The following ZC3H12B variants were observed in gnomAD, a reference collection of about 807,000 sequenced individuals.
The protein encoded by ZC3H12B is zinc finger CCCH-type containing 12B.
ZC3H12B carries 7 observed loss-of-function variants against 43.9 expected under a neutral mutation model. The observed-to-expected ratio is 0.16, with a 90% CI of 0.09 to 0.30. The LOEUF is 0.30. Among genes scored for constraint, ZC3H12B ranks in the 10% least tolerant of loss-of-function variants. The pLI, the probability that ZC3H12B is intolerant of heterozygous loss-of-function variation, is 1.00. For synonymous variants in ZC3H12B, 222 were observed against 241.7 expected, an observed-to-expected ratio of 0.92 and a Z score of 0.76; for missense variants, 475 against 670.2, an observed-to-expected ratio of 0.71 and a Z score of 3.22.
chrX:65,290,836 T>A, the ZC3H12B span, among the ~76,000 whole-genome samples: 6 of 110,397 alleles, frequency 5.4e-5, no homozygotes, highest in Non-Finnish European at 1.1e-4. Flanking sequence ...GAAAAATATA[T>A]AATACAGACT....
the ZC3H12B span, among the ~76,000 whole-genome samples, chrX:65,260,175 CTTA>C: frequency 9.1e-6 from 1 of 110,308 alleles, no homozygotes; most frequent in Non-Finnish European, 1.9e-5. Context: ...TACTAGAGAA[CTTA>C]TTAATATAAT....
intron 3 of ZC3H12B, among the ~76,000 whole-genome samples, chrX:65,448,608 G>C (rs1264900729): frequency 9.0e-6 from 1 of 111,059 alleles, no homozygotes; most frequent in African/African-American, 3.3e-5. Context: ...CCTGAGGTCA[G>C]GATTTTAAGC....
At chrX:65,484,980 T>A (rs941278626), upstream of ZC3H12B, among the ~76,000 whole-genome samples, 9 of 111,846 alleles carry the variant, frequency 8.0e-5, no homozygotes, top group African/African-American at 2.9e-4. Flanking sequence ...CTCTTCGAGG[T>A]CACTTTTAGC....
At chrX:65,084,206 T>A in the ZC3H12B span, among the ~76,000 whole-genome samples, 1 of 111,840 alleles carries the variant, frequency 8.9e-6, no homozygotes, top group African/African-American at 3.3e-5. Flanking sequence ...GGGCAAAGAT[T>A]TTTTGAGCAG....
intron 3 of ZC3H12B, among the ~76,000 whole-genome samples, chrX:65,461,522 A>G (rs2067746779): frequency 8.9e-6 from 1 of 112,314 alleles, no homozygotes; most frequent in South Asian, 3.7e-4. Flanking sequence ...CTATGCACCC[A>G]TAAAAAAGGA....
chrX:65,185,030 A>C, the ZC3H12B span: 1 of 111,459 alleles, frequency 9.0e-6, no homozygotes, highest in African/African-American at 3.3e-5. Context: ...GAAGACCTTC[A>C]ATTTTGTCCA....
At chrX:65,291,506 A>G in the ZC3H12B span, among the ~76,000 whole-genome samples, 1 of 112,050 alleles carries the variant, frequency 8.9e-6, no homozygotes, top group Non-Finnish European at 1.9e-5. Flanking sequence ...ACATAAATGA[A>G]CCTTGAGGAA....
At chrX:65,190,932 G>C in the ZC3H12B span, among the ~76,000 whole-genome samples, 11 of 101,107 alleles carry the variant, frequency 1.1e-4, no homozygotes, top group East Asian at 3.1e-3. Context: ...ATTGGCTGTG[G>C]GTTTGTCATA....
the ZC3H12B span, among the ~76,000 whole-genome samples, chrX:65,095,610 T>G: frequency 8.9e-6 from 1 of 111,871 alleles, no homozygotes; most frequent in Non-Finnish European, 1.9e-5. Context: ...ACCTGTGTGC[T>G]TCTAGCAGTG....
chrX:65,379,570 G>A (rs952785814), intron 2 of ZC3H12B, among the ~76,000 whole-genome samples: 10 of 112,451 alleles, frequency 8.9e-5, no homozygotes, highest in African/African-American at 1.6e-4. Context: ...CCAAAGGAAC[G>A]CAGTTCCTCA....
the ZC3H12B span, among the ~76,000 whole-genome samples, chrX:65,265,938 T>A: frequency 9.0e-6 from 1 of 111,724 alleles, no homozygotes; most frequent in African/African-American, 3.2e-5. Context: ...ACTTTCTACA[T>A]GAAGGCAGTT....
exon 5 of ZC3H12B, chrX:65,503,201 G>A: frequency 7.6e-6 from 9 of 1,191,570 alleles, no homozygotes; most frequent in Non-Finnish European, 1.0e-5. Context: ...GCTTAGGGCT[G>A]CACGTTGATA....
At chrX:65,135,692 G>T in the ZC3H12B span, among the ~76,000 whole-genome samples, 1 of 99,503 alleles carries the variant, frequency 1.0e-5, no homozygotes, top group African/African-American at 4.1e-5. Context: ...TACAAGTGTT[G>T]GTTAGATATT....
At chrX:65,212,650 C>A in the ZC3H12B span, among the ~76,000 whole-genome samples, 2 of 77,503 alleles carry the variant, frequency 2.6e-5, no homozygotes, top group African/African-American at 5.0e-5. Context: ...GATTATATAT[C>A]ATATATTATA....
chrX:65,377,217 AG>A (rs1337529464), intron 2 of ZC3H12B, among the ~76,000 whole-genome samples: 7 of 107,918 alleles, frequency 6.5e-5, no homozygotes, highest in African/African-American at 2.4e-4. Context: ...ATACAGTCCG[AG>A]GAGACAAAAA....
chrX:65,171,999 C>T, the ZC3H12B span, among the ~76,000 whole-genome samples: 218 of 112,436 alleles, frequency 1.9e-3, 1 homozygote, highest in African/African-American at 6.9e-3. Context: ...CTGGGTGAGG[C>T]GATATCCCGC....
the ZC3H12B span, among the ~76,000 whole-genome samples, chrX:65,311,134 A>G: frequency 8.9e-6 from 1 of 112,354 alleles, no homozygotes; most frequent in African/African-American, 3.2e-5. Context: ...ACAAAGGCCA[A>G]AATAGACAAG....
intron 3 of ZC3H12B, among the ~76,000 whole-genome samples, chrX:65,418,213 A>C (rs1005222255): frequency 7.2e-5 from 8 of 111,774 alleles, no homozygotes; most frequent in African/African-American, 2.6e-4. Context: ...TTTACAATTA[A>C]TTAATTAATT....
At chrX:65,190,116 G>A in the ZC3H12B span, among the ~76,000 whole-genome samples, 9 of 110,652 alleles carry the variant, frequency 8.1e-5, no homozygotes, top group East Asian at 2.8e-4. Flanking sequence ...GTGGGTATGC[G>A]GCATTATTTC....
Sources: gnomAD v4.1 joint callset for allele counts (sites outside exome capture counted in the v4.1 genomes callset) on GRCh38, gnomAD v4.1.1 for gene constraint, MANE v1.5 for transcripts, NCBI Gene and HGNC (gene_info 2026-07-23, HGNC 2026-07-21) for gene names.